The following RNASEH1 variants were observed in gnomAD, a reference collection of about 807,000 sequenced individuals.
The protein encoded by RNASEH1 is ribonuclease H1.
RNASEH1 carries 27 observed loss-of-function variants against 34.6 expected under a neutral mutation model. That is an observed-to-expected ratio of 0.78 (90% CI 0.58 to 1.08). RNASEH1 has a LOEUF of 1.08. Ranked by LOEUF, RNASEH1 falls within the 50% of genes least tolerant of loss-of-function variation. The pLI, the probability that RNASEH1 is intolerant of heterozygous loss-of-function variation, is 0.00. For synonymous variants in RNASEH1, 162 were observed against 138.4 expected, an observed-to-expected ratio of 1.17 and a Z score of -1.20; for missense variants, 349 against 373.6, an observed-to-expected ratio of 0.93 and a Z score of 0.54.
At chr2:3,537,829 G>A (rs1668064202), downstream of RNASEH1, among the ~76,000 whole-genome samples, 1 of 152,006 alleles carries the variant, frequency 6.6e-6, no homozygotes, top group Admixed American at 6.6e-5. Flanking sequence ...CCTGAGGTCA[G>A]GAGTTCGCGA....
intron 1 of RNASEH1, chr2:3,557,712 G>T (rs1660652475): frequency 6.3e-6 from 3 of 477,020 alleles, no homozygotes; most frequent in Middle Eastern, 3.4e-4. Flanking sequence ...TGCAAATACT[G>T]GCTTATTAGA....
chr2:3,540,282 G>T (rs956430470), downstream of RNASEH1, among the ~76,000 whole-genome samples: 3 of 150,720 alleles, frequency 2.0e-5, no homozygotes, highest in Non-Finnish European at 4.4e-5. Flanking sequence ...CTGATTTTTT[G>T]ATTCTCAGTA....
chr2:3,548,083 T>C (rs1227492930), intron 6 of RNASEH1, 28 bp from the exon 7 acceptor site: 1 of 1,613,398 alleles, frequency 6.2e-7, no homozygotes, highest in East Asian at 2.2e-5. Context: ...CACTGGTGAG[T>C]CAATCTTGAG....
At position 3,547,076 on chromosome 2, in the gene RNASEH1, C is replaced by T. The variant is rs548252301; in HGVS notation, c.774+855G>A. 3.0e-3 allele frequency among the ~76,000 whole-genome samples: 458 copies of T among 152,264 alleles called. 2 individuals carry two copies. Among genetic ancestry groups the T allele is most frequent in the African/African-American group, 0.011 (443 of 41,540 alleles). ...AGGCAGAGGTTGCAATGAGATCACG[C>T]CATAGCCTGGGGTGACAGAGTGAGA... On this transcript the variant is annotated intron_variant, in intron 7 of 7. Transcript: ENST00000315212.
intron 2 of RNASEH1, among the ~76,000 whole-genome samples, chr2:3,553,556 A>AT (rs1192062797): frequency 1.4e-5 from 2 of 145,336 alleles, no homozygotes; most frequent in Admixed American, 1.3e-4. Flanking sequence ...CACCCAGCTA[A>AT]TTTTTTTGTA....
At chr2:3,539,411 G>A (rs937096079), downstream of RNASEH1, among the ~76,000 whole-genome samples, 2 of 152,150 alleles carry the variant, frequency 1.3e-5, no homozygotes, top group African/African-American at 4.8e-5. Context: ...ATTTGGGGGC[G>A]TATTTTGATG....
chr2:3,557,785 A>C, intron 1 of RNASEH1: 2 of 1,001,350 alleles, frequency 2.0e-6, no homozygotes, highest in Non-Finnish European at 2.8e-6. Context: ...GCTGGTACGG[A>C]AAGTCTTCTG....
chr2:3,547,941 T>C lies in RNASEH1; in HGVS notation c.764A>G (p.Asp255Gly), dbSNP rs1180431899. 14 of 1,613,682 alleles carry C rather than the reference T, an allele frequency of 8.7e-6. No individual in the cohort carries two copies. The highest frequency in any genetic ancestry group is 1.1e-5 in the Non-Finnish European group (13 of 1,179,714). Residue 255 changes from aspartate (D) to glycine (G), a missense_variant, in exon 7 of 8, where the codon GAC (aspartate) becomes GGC (glycine). Around this residue, in one of 2 missense-constraint regions of RNASEH1, gnomAD observed 93 missense variants for 132.9 expected, o/e 0.70. Transcript: ENST00000315212. ...VALERLTQGM[D>G]IQWMHVPGHS... ...ATTTAAGATACTCACCCACTGAATGTCCATCCCCTGGGTAAGCCTCTCCAG... is the reference window on the plus strand; with the variant it reads ...ATTTAAGATACTCACCCACTGAATGCCCATCCCCTGGGTAAGCCTCTCCAG...
chr2:3,534,958 A>G, the RNASEH1 span, among the ~76,000 whole-genome samples: 1 of 152,204 alleles, frequency 6.6e-6, no homozygotes, highest in Admixed American at 6.5e-5. Flanking sequence ...GAGGAGTCAC[A>G]TTCATAGAGA....
chr2:3,548,785 T>C, intron 5 of RNASEH1, 61 bp from the exon 6 acceptor site: 1 of 1,241,490 alleles, frequency 8.1e-7, no homozygotes, highest in Middle Eastern at 1.9e-4. Flanking sequence ...ATTACTAAAG[T>C]TCAAAAGTAC....
At chr2:3,541,221 C>T (rs896164316), downstream of RNASEH1, among the ~76,000 whole-genome samples, 1 of 151,234 alleles carries the variant, frequency 6.6e-6, no homozygotes, top group East Asian at 1.9e-4. Flanking sequence ...CCCAGCTACT[C>T]GGGAGGCTGA....
chr2:3,536,428 C>T, the RNASEH1 span, among the ~76,000 whole-genome samples: 3 of 152,248 alleles, frequency 2.0e-5, no homozygotes, highest in Non-Finnish European at 4.4e-5. Context: ...TCCGAGTCCC[C>T]TCGTGGACCA....
At chr2:3,550,126 G>A (rs1279782655) in intron 4 of RNASEH1, 8 of 426,534 alleles carry the variant, frequency 1.9e-5, no homozygotes, top group Non-Finnish European at 2.9e-5. Flanking sequence ...CTGGGCAACA[G>A]TGTGAGACCG....
At chr2:3,532,379 A>T in the RNASEH1 span, 1 of 702,046 alleles carries the variant, frequency 1.4e-6, no homozygotes, top group East Asian at 2.7e-5. Flanking sequence ...GGGCCCGATC[A>T]GAACGTTCAT....
chr2:3,532,409 A>C, the RNASEH1 span: 2 of 700,340 alleles, frequency 2.9e-6, no homozygotes, highest in Non-Finnish European at 5.2e-6. Flanking sequence ...CACTCACTGA[A>C]ACATGCTGAG....
intron 4 of RNASEH1, among the ~76,000 whole-genome samples, chr2:3,549,790 CA>C (rs1669103249): frequency 6.6e-6 from 1 of 151,832 alleles, no homozygotes; most frequent in African/African-American, 2.4e-5. Flanking sequence ...ACTAAAAATA[CA>C]AAAAATTAGC....
intron 2 of RNASEH1, 27 bp from the exon 3 acceptor site, chr2:3,552,335 C>T (rs1030917524): frequency 6.2e-7 from 1 of 1,605,484 alleles, no homozygotes; most frequent in Admixed American, 1.7e-5. Flanking sequence ...CACTCGTGAG[C>T]TGGAAACAAT....
intron 1 of RNASEH1, among the ~76,000 whole-genome samples, chr2:3,557,166 A>AT (rs977989711): frequency 2.0e-5 from 3 of 152,358 alleles, no homozygotes; most frequent in African/African-American, 7.2e-5. Flanking sequence ...TACAATCTAT[A>AT]TAGTTGTATT....
chr2:3,536,430 C>G (rs938800426), downstream of RNASEH1, among the ~76,000 whole-genome samples: 2 of 152,236 alleles, frequency 1.3e-5, no homozygotes, highest in Non-Finnish European at 2.9e-5. Flanking sequence ...CGAGTCCCCT[C>G]GTGGACCAGG....
Sources: allele counts gnomAD v4.1 joint callset (sites outside exome capture counted in the v4.1 genomes callset), GRCh38; gene constraint gnomAD v4.1.1; regional missense constraint gnomAD v4.1.1; transcripts MANE v1.5; gene names NCBI Gene and HGNC (gene_info 2026-07-23, HGNC 2026-07-21).